GLOD4: variants seen among roughly 807,000 people sequenced by gnomAD.
The protein encoded by GLOD4 is glyoxalase domain-containing protein 4.
In GLOD4, 44 loss-of-function variants were observed where a neutral mutation model predicts 39.1. The observed-to-expected ratio is 1.13, with a 90% CI of 0.88 to 1.45. The LOEUF (loss-of-function observed/expected upper bound fraction) is 1.45, where lower values mean the gene tolerates loss of function less well. Among genes scored for constraint, GLOD4 ranks in the 40% most tolerant of loss-of-function variants. The pLI is 0.00. For missense variants in GLOD4, 405 were observed against 366.4 expected, an observed-to-expected ratio of 1.11 and a Z score of -0.86; for synonymous variants, 145 against 135.0, an observed-to-expected ratio of 1.07 and a Z score of -0.52.
intron 8 of GLOD4, among the ~76,000 whole-genome samples, chr17:766,800 G>A (rs1044864485): frequency 3.9e-5 from 6 of 152,184 alleles, no homozygotes; most frequent in Non-Finnish European, 7.3e-5. Flanking sequence ...TTGGGAGGCC[G>A]AGGCAGAAGA....
intron 6 of GLOD4, 67 bp downstream of exon 6, chr17:770,354 G>T: frequency 2.3e-6 from 2 of 870,414 alleles, no homozygotes; most frequent in South Asian, 1.3e-5. Context: ...AGAAGGGAAG[G>T]ACAAAGTTCT....
At chr17:769,055 C>T (rs939597223) in intron 8 of GLOD4, among the ~76,000 whole-genome samples, 4 of 152,222 alleles carry the variant, frequency 2.6e-5, no homozygotes, top group Non-Finnish European at 5.9e-5. Flanking sequence ...CCTGTTTGCA[C>T]GCTGGCGAGA....
chr17:777,841 A>G (rs1038848048), intron 2 of GLOD4: 1 of 152,218 alleles, frequency 6.6e-6, no homozygotes, highest in Non-Finnish European at 1.5e-5. Context: ...GTTTATGCTA[A>G]TGAAGTGACT....
At chr17:763,180 C>CT (rs1905827431) in intron 8 of GLOD4, among the ~76,000 whole-genome samples, 1 of 106,892 alleles carries the variant, frequency 9.4e-6, no homozygotes, top group Non-Finnish European at 2.1e-5. Flanking sequence ...GAGACTCCGT[C>CT]TAAAAAAAAA....
At chr17:768,824 G>A (rs1391637517) in intron 8 of GLOD4, among the ~76,000 whole-genome samples, 4 of 144,910 alleles carry the variant, frequency 2.8e-5, no homozygotes, top group African/African-American at 1.1e-4. Flanking sequence ...AAGAAATCTG[G>A]AGAGGACGTG....
chr17:780,360 C>T lies in GLOD4; in HGVS notation c.91-1616G>A, dbSNP rs185283052. Among the ~76,000 whole-genome samples the T allele has an allele frequency of 2.0e-5, 3 of 152,260 alleles. No homozygotes were observed. In the East Asian group the frequency reaches 5.8e-4, roughly 29 times the overall value. ...ATAGCATTCAAGATACTATTAGAAGCAATGCCGACCTGTCCATCCTGATAT... is the reference window on the plus strand; with the variant it reads ...ATAGCATTCAAGATACTATTAGAAGTAATGCCGACCTGTCCATCCTGATAT... On this transcript the variant is annotated intron_variant, in intron 1 of 8. Coordinates refer to ENST00000301329, the MANE Select transcript of GLOD4 (RefSeq NM_016080.4).
intron 5 of GLOD4, 45 bp from the exon 6 acceptor site, chr17:770,552 C>G: frequency 1.2e-6 from 1 of 856,402 alleles, no homozygotes. Context: ...GTTATACATT[C>G]ATTACACGTA....
At chr17:768,635 A>G (rs1907233886) in intron 8 of GLOD4, among the ~76,000 whole-genome samples, 1 of 133,554 alleles carries the variant, frequency 7.5e-6, no homozygotes, top group Non-Finnish European at 1.6e-5. Flanking sequence ...GCGCACTCAG[A>G]TTTTTAGAAG....
chr17:766,093 T>C (rs1019283518), intron 8 of GLOD4, among the ~76,000 whole-genome samples: 2 of 151,258 alleles, frequency 1.3e-5, no homozygotes, highest in African/African-American at 2.4e-5. Context: ...GCCCAGGAAG[T>C]TTGAAACCAG....
chr17:784,014 G>A (rs1238840697), upstream of GLOD4, among the ~76,000 whole-genome samples: 1 of 152,160 alleles, frequency 6.6e-6, no homozygotes, highest in Non-Finnish European at 1.5e-5. Flanking sequence ...TCTAAGAAGC[G>A]AGGTACAAGC....
intron 8 of GLOD4, among the ~76,000 whole-genome samples, chr17:761,451 G>T (rs1905413124): frequency 6.6e-6 from 1 of 152,134 alleles, no homozygotes. Context: ...TGTCTTTTAG[G>T]AGCCATAAAA....
chr17:785,677 C>G (rs961509761), upstream of GLOD4, among the ~76,000 whole-genome samples: 3 of 152,196 alleles, frequency 2.0e-5, no homozygotes, highest in African/African-American at 7.2e-5. Context: ...GAGTATGTCC[C>G]TAAGACAGTG....
At chr17:773,708 A>G (rs565419794) in intron 4 of GLOD4, among the ~76,000 whole-genome samples, 1 of 152,314 alleles carries the variant, frequency 6.6e-6, no homozygotes, top group East Asian at 1.9e-4. Flanking sequence ...TTACTGCCTT[A>G]GTCCTGTTTG....
chr17:772,856 G>A (rs906104635), intron 4 of GLOD4, among the ~76,000 whole-genome samples: 6 of 152,036 alleles, frequency 3.9e-5, no homozygotes, highest in East Asian at 1.9e-4. Context: ...TTAGCCGGGC[G>A]TGCTGGCGGG....
upstream of GLOD4, chr17:783,403 C>T: frequency 7.1e-7 from 1 of 1,406,138 alleles, no homozygotes; most frequent in Non-Finnish European, 9.5e-7. Context: ...ATGGCGCGAT[C>T]TCGGCCCACT....
chr17:770,019 T>G (rs774211950), intron 7 of GLOD4, 25 bp downstream of exon 7: 1 of 1,557,176 alleles, frequency 6.4e-7, no homozygotes, highest in African/African-American at 1.4e-5. Flanking sequence ...TGGTCCAGCC[T>G]GCCCCCTGCC....
At chr17:771,516 A>G in intron 4 of GLOD4, 55 bp from the exon 5 acceptor site, 1 of 998,026 alleles carries the variant, frequency 1.0e-6, no homozygotes, top group South Asian at 1.7e-5. Flanking sequence ...TAAAATAGAA[A>G]GACCAAAACA....
chr17:781,767 G>A (rs1910005254), intron 1 of GLOD4: 1 of 191,958 alleles, frequency 5.2e-6, no homozygotes, highest in South Asian at 1.1e-4. Context: ...CTTGCTAGAA[G>A]CAGAACTCTG....
At chr17:771,772 A>G (rs573158952) in intron 4 of GLOD4, among the ~76,000 whole-genome samples, 1 of 152,348 alleles carries the variant, frequency 6.6e-6, no homozygotes, top group African/African-American at 2.4e-5. Context: ...TGGGAGGCCA[A>G]GGCAAGTGGA....
Sources: gnomAD v4.1 joint callset for allele counts (sites outside exome capture counted in the v4.1 genomes callset) on GRCh38, gnomAD v4.1.1 for gene constraint, MANE v1.5 for transcripts, NCBI Gene and HGNC (gene_info 2026-07-23, HGNC 2026-07-21) for gene names.